Variants in CSMD1 observed in about 807,000 individuals in gnomAD.
CSMD1 encodes CUB and sushi domain-containing protein 1.
CSMD1 carries 213 observed loss-of-function variants against 417.5 expected under a neutral mutation model. That is an observed-to-expected ratio of 0.51 (90% CI 0.46 to 0.57). CSMD1 has a LOEUF of 0.57. CSMD1 is among the 20% of genes least tolerant of loss of function. The probability of loss-of-function intolerance (pLI) is 0.00; values close to 1 mark genes in which losing one functional copy is unlikely to be tolerated. For missense variants in CSMD1, 6,923 were observed against 4,529.7 expected (o/e 1.53, Z -15.17); for synonymous variants, 2,862 against 1,736.8 (o/e 1.65, Z -16.11).
intron 5 of CSMD1, among the ~76,000 whole-genome samples, chr8:3,918,715 T>C (rs10093777): frequency 0.32 from 48,896 of 152,008 alleles, 8,772 homozygotes; most frequent in South Asian, 0.46. Flanking sequence ...AATGAATTAA[T>C]GGCATTTGCA....
At chr8:4,727,259 A>C in intron 1 of CSMD1, among the ~76,000 whole-genome samples, 1 of 152,180 alleles carries the variant, frequency 6.6e-6, no homozygotes, top group East Asian at 1.9e-4. Context: ...TTCACATTAA[A>C]CCAGTTAATG....
chr8:4,721,516 A>G (rs2116911026), intron 1 of CSMD1, among the ~76,000 whole-genome samples: 1 of 152,344 alleles, frequency 6.6e-6, no homozygotes, highest in Admixed American at 6.5e-5. Flanking sequence ...ATGAAATATT[A>G]CCTCACATCT....
chr8:4,354,259 G>A (rs1476527503), intron 3 of CSMD1, among the ~76,000 whole-genome samples: 2 of 152,096 alleles, frequency 1.3e-5, no homozygotes, highest in African/African-American at 2.4e-5. Context: ...TGTAGATCAC[G>A]GTGTTATTTT....
chr8:3,763,319 G>C (rs1484599155), intron 5 of CSMD1, among the ~76,000 whole-genome samples: 1 of 152,090 alleles, frequency 6.6e-6, no homozygotes, highest in Admixed American at 6.5e-5. Context: ...TTGGAGGTGG[G>C]GCCCTGTGGG....
At chr8:4,276,113 A>G (rs142117036) in intron 3 of CSMD1, among the ~76,000 whole-genome samples, 1 of 152,298 alleles carries the variant, frequency 6.6e-6, no homozygotes, top group East Asian at 1.9e-4. Flanking sequence ...CAGCAATCCC[A>G]TTAGTGGGTA....
intron 10 of CSMD1, among the ~76,000 whole-genome samples, chr8:3,538,749 A>C (rs777762306): frequency 6.6e-6 from 1 of 152,200 alleles, no homozygotes; most frequent in African/African-American, 2.4e-5. Flanking sequence ...ATCAGCAGTC[A>C]CACAGCTCTA....
intron 6 of CSMD1, among the ~76,000 whole-genome samples, chr8:3,710,945 G>C (rs1003082091): frequency 6.6e-6 from 1 of 152,134 alleles, no homozygotes; most frequent in African/African-American, 2.4e-5. Flanking sequence ...AAGGAGGAGG[G>C]TGAGATCCCG....
intron 10 of CSMD1, among the ~76,000 whole-genome samples, chr8:3,562,136 A>C (rs887117002): frequency 9.5e-5 from 9 of 94,398 alleles, no homozygotes; most frequent in African/African-American, 3.4e-4. Flanking sequence ...CCAACCCACA[A>C]AAAAAAAAAA....
At chr8:4,734,033 G>A (rs1032117629) in intron 1 of CSMD1, among the ~76,000 whole-genome samples, 2 of 152,106 alleles carry the variant, frequency 1.3e-5, no homozygotes, top group South Asian at 2.1e-4. Context: ...AAAATATTTT[G>A]AAGAATATCT....
chr8:3,348,985 C>T (rs1053794689), intron 21 of CSMD1, among the ~76,000 whole-genome samples: 23 of 152,120 alleles, frequency 1.5e-4, no homozygotes, highest in African/African-American at 3.1e-4. Context: ...GCTACATATA[C>T]GGGTGCACAC....
intron 23 of CSMD1, among the ~76,000 whole-genome samples, chr8:3,322,878 C>A (rs1414995453): frequency 4.6e-5 from 7 of 152,162 alleles, no homozygotes; most frequent in Admixed American, 3.3e-4. Context: ...ATGGCAAATG[C>A]CTGACTTAGG....
At chr8:4,850,913 C>CCA (rs1331435796) in intron 1 of CSMD1, among the ~76,000 whole-genome samples, 1 of 145,878 alleles carries the variant, frequency 6.9e-6, no homozygotes, top group African/African-American at 2.5e-5. Context: ...CTTGCCCCCC[C>CCA]ACTTTTTGTG....
At chr8:3,803,244 T>A (rs946535310) in intron 5 of CSMD1, among the ~76,000 whole-genome samples, 4 of 152,196 alleles carry the variant, frequency 2.6e-5, no homozygotes, top group Non-Finnish European at 4.4e-5. Flanking sequence ...TTCTGACTGC[T>A]TGGCATAAAG....
intron 3 of CSMD1, among the ~76,000 whole-genome samples, chr8:4,047,769 G>C (rs1376687567): frequency 6.6e-6 from 1 of 151,714 alleles, no homozygotes; most frequent in Non-Finnish European, 1.5e-5. Context: ...TTTTTGATAG[G>C]AATAGGTAGA....
At chr8:4,115,086 G>A (rs1420638047) in intron 3 of CSMD1, among the ~76,000 whole-genome samples, 1 of 152,122 alleles carries the variant, frequency 6.6e-6, no homozygotes, top group African/African-American at 2.4e-5. Context: ...GCTGTCAAAC[G>A]GAATTGAAAC....
rs879908073 is a variant in CSMD1, at chr8:3,986,354, G to A, written c.818+11549C>T. 3.3e-5 allele frequency among the ~76,000 whole-genome samples: 5 copies of A among 152,100 alleles called. No homozygotes were observed. The East Asian group carries it at 9.7e-4, about 29-fold the overall frequency. On this transcript the variant is annotated intron_variant, in intron 5 of 69. Transcript: ENST00000635120. ...TGTTCATTGAAATGTAGATCCCTGA[G>A]CACTGAGACACCCCCAGCCAACCTT...
chr8:4,642,101 G>A (rs974017116), intron 1 of CSMD1, among the ~76,000 whole-genome samples: 2 of 152,184 alleles, frequency 1.3e-5, no homozygotes, highest in African/African-American at 2.4e-5. Context: ...GCCTGTAGGT[G>A]CTACTCTCTA....
At chr8:4,656,928 C>T (rs888273720) in intron 1 of CSMD1, among the ~76,000 whole-genome samples, 1 of 152,056 alleles carries the variant, frequency 6.6e-6, no homozygotes, top group East Asian at 1.9e-4. Context: ...GAAACACTGA[C>T]AAAAGGTGTT....
At chr8:3,669,696 T>G (rs1798889747) in intron 7 of CSMD1, among the ~76,000 whole-genome samples, 1 of 152,098 alleles carries the variant, frequency 6.6e-6, no homozygotes, top group Non-Finnish European at 1.5e-5. Context: ...TGAGGCGTTA[T>G]GCTAGGAACT....
Sources: gnomAD v4.1 joint callset for allele counts (sites outside exome capture counted in the v4.1 genomes callset) on GRCh38, gnomAD v4.1.1 for gene constraint, MANE v1.5 for transcripts, NCBI Gene and HGNC (gene_info 2026-07-23, HGNC 2026-07-21) for gene names.